BMPER: variants seen among roughly 807,000 people sequenced by gnomAD.
BMPER encodes the protein BMP-binding endothelial regulator protein.
In BMPER, 45 loss-of-function variants were observed where a neutral mutation model predicts 87.3. The ratio of observed to expected loss-of-function variants is 0.52; its 90% CI spans 0.41 to 0.66. The LOEUF is 0.66. BMPER is among the 30% of genes least tolerant of loss of function. BMPER has a pLI of 0.00. For missense variants in BMPER, 784 were observed against 867.5 expected, an observed-to-expected ratio of 0.90 and a Z score of 1.21; for synonymous variants, 326 against 316.2, an observed-to-expected ratio of 1.03 and a Z score of -0.33.
intron 13 of BMPER, among the ~76,000 whole-genome samples, chr7:34,092,534 G>T (rs1789415710): frequency 6.6e-6 from 1 of 152,166 alleles, no homozygotes. Context: ...TCAGCAATTT[G>T]CCTAATAGTC....
intron 3 of BMPER, among the ~76,000 whole-genome samples, chr7:33,959,809 A>G (rs1442341824): frequency 1.3e-5 from 2 of 152,218 alleles, no homozygotes; most frequent in African/African-American, 2.4e-5. Flanking sequence ...TTATGATACT[A>G]TAAAGTTATG....
chr7:34,011,404 A>G (rs1336601529), intron 6 of BMPER, among the ~76,000 whole-genome samples: 1 of 151,738 alleles, frequency 6.6e-6, no homozygotes, highest in Non-Finnish European at 1.5e-5. Context: ...GGCTTCCTCT[A>G]AAGGTATCAC....
intron 2 of BMPER, among the ~76,000 whole-genome samples, chr7:33,918,150 A>G (rs1298951879): frequency 6.6e-6 from 1 of 152,026 alleles, no homozygotes; most frequent in East Asian, 1.9e-4. Context: ...TAGGATCTTG[A>G]TCTTAATTTC....
intron 13 of BMPER, among the ~76,000 whole-genome samples, chr7:34,118,048 G>C (rs1790161645): frequency 6.6e-6 from 1 of 152,148 alleles, no homozygotes; most frequent in Non-Finnish European, 1.5e-5. Context: ...CAGTGCAGTG[G>C]CTCACAGCTG....
chr7:34,098,687 A>C (rs1430014607), intron 13 of BMPER, among the ~76,000 whole-genome samples: 2 of 152,188 alleles, frequency 1.3e-5, no homozygotes, highest in African/African-American at 4.8e-5. Context: ...CTGGGCCAGA[A>C]GACCTTTCAG....
At chr7:33,937,199 G>C (rs540570924) in intron 2 of BMPER, 90 bp from the exon 3 acceptor site, 4 of 1,371,048 alleles carry the variant, frequency 2.9e-6, no homozygotes, top group Middle Eastern at 2.2e-4. Context: ...CCAGATAAGA[G>C]TGGGGCTCGG....
chr7:33,948,474 G>C (rs1585667975), intron 3 of BMPER, among the ~76,000 whole-genome samples: 2 of 152,242 alleles, frequency 1.3e-5, no homozygotes, highest in East Asian at 3.9e-4. Context: ...ATTCTTGCTT[G>C]GCATATAATG....
chr7:34,153,232 A>G lies in BMPER; in HGVS notation c.2017A>G (p.Lys673Glu), dbSNP rs768138690. 9.9e-6 allele frequency: 16 copies of G among 1,613,910 alleles called. No individual in the cohort carries two copies. Among genetic ancestry groups the G allele is most frequent in the Non-Finnish European group, 1.3e-5 (15 of 1,179,986 alleles). Residue 673 changes from lysine (K) to glutamate (E), a missense_variant, in exon 15 of 15, where the codon AAG (lysine) becomes GAG (glutamate). By Grantham distance (56) the Lys-to-Glu change is moderately conservative. Transcript: ENST00000649409. ...CHCPANLVLH[K>E]GRCIKPVLCP... Reference sequence around the variant, plus strand: ...CTGTCCAGCAAACTTGGTCCTTCACAAGGGAAGGTGCATCAAGCCAGTCCT... The same window carrying G: ...CTGTCCAGCAAACTTGGTCCTTCACGAGGGAAGGTGCATCAAGCCAGTCCT...
intron 11 of BMPER, among the ~76,000 whole-genome samples, chr7:34,063,383 G>A (rs6462523): frequency 0.021 from 1,691 of 81,568 alleles, 24 homozygotes; most frequent in African/African-American, 0.069. Flanking sequence ...CACTATATGT[G>A]TGTGTGTGTG....
At position 34,025,471 on chromosome 7, in the gene BMPER, C is replaced by T. The variant is rs539150373; in HGVS notation, c.577-20835C>T. Among the ~76,000 whole-genome samples, 138 of 151,972 alleles carry T rather than the reference C, an allele frequency of 9.1e-4. 2 individuals are homozygous for T. In the South Asian group the frequency reaches 0.027, roughly 30 times the overall value. On this transcript the variant is annotated intron_variant, in intron 6 of 14. Transcript: ENST00000649409. ...GAGGGCTGAGCCTTCTTTTAGGAGCCGAGAGTGCATGGTATTCACACATCC... is the reference window on the plus strand; with the variant it reads ...GAGGGCTGAGCCTTCTTTTAGGAGCTGAGAGTGCATGGTATTCACACATCC...
Position 34,079,243 on chromosome 7 carries a change from C to T in BMPER, c.1408+57C>T, listed in dbSNP as rs79441905. The T allele has an allele frequency of 1.1e-3, 1,816 of 1,601,718 alleles. 23 individuals are homozygous for T. In the African/African-American group the frequency reaches 0.022, roughly 19 times the overall value. ...GCCTCCGCCTCACTTACCCGTTCAG[C>T]AGCACTGCTCGGTTAGAGCACTCAG... On this transcript the variant is annotated intron_variant, in intron 12 of 14. Transcript: ENST00000649409.
At position 33,929,698 on chromosome 7, in the gene BMPER, G is replaced by A. The variant is rs781222766; in HGVS notation, c.220-7591G>A. Among the ~76,000 whole-genome samples, 86 of 152,284 alleles carry A rather than the reference G, an allele frequency of 5.6e-4. 1 individual carries two copies. The highest frequency in any genetic ancestry group is 3.4e-3 in the Middle Eastern group (1 of 294). ...CCTGGCTAGCTATGTAAACCTGGGT[G>A]AGCCGTTTAACCTCTCCGTGCCTCA... On this transcript the variant is annotated intron_variant, in intron 2 of 14. Transcript: ENST00000649409.
chr7:34,046,281 G>A, intron 6 of BMPER, 25 bp from the exon 7 acceptor site: 1 of 1,595,168 alleles, frequency 6.3e-7, no homozygotes, highest in South Asian at 1.1e-5. Flanking sequence ...TTCTAAATAT[G>A]CTTTTTTTTT....
intron 10 of BMPER, 93 bp from the exon 11 acceptor site, chr7:34,061,909 T>C (rs1788444941): frequency 9.5e-7 from 1 of 1,049,286 alleles, no homozygotes; most frequent in African/African-American, 1.6e-5. Context: ...TGGTTTATCT[T>C]GTATTAGATT....
intron 12 of BMPER, among the ~76,000 whole-genome samples, chr7:34,081,566 G>A (rs759561908): frequency 6.6e-6 from 1 of 152,208 alleles, no homozygotes; most frequent in African/African-American, 2.4e-5. Flanking sequence ...TTAGTAGCTC[G>A]AGAGAGCATT....
rs893815803 is a variant in BMPER at position 34,153,362 on chromosome 7, C to T, written c.*89C>T. On this transcript the variant is annotated 3_prime_UTR_variant, in exon 15 of 15. Transcript: ENST00000649409. The stretch of plus-strand genomic sequence containing the variant: ...TGAAGGACTGCAGTATTTGTGTGCC[C>T]GATTCTGTAAACACACACACACAGA... 15 of 1,373,032 alleles carry T rather than the reference C, an allele frequency of 1.1e-5. No homozygotes were observed. Among genetic ancestry groups the T allele is most frequent in the African/African-American group, 4.3e-5 (3 of 69,878 alleles). The allele number at this position is 1,373,032 out of a possible 1,614,324, so 85.1% of individuals were successfully genotyped here.
intron 8 of BMPER, among the ~76,000 whole-genome samples, chr7:34,054,161 C>A (rs1051498558): frequency 6.6e-6 from 1 of 152,114 alleles, no homozygotes. Flanking sequence ...TCTTACATTG[C>A]GAAGAACTCC....
chr7:33,979,658 C>T (rs1265955556), intron 6 of BMPER, among the ~76,000 whole-genome samples: 2 of 152,192 alleles, frequency 1.3e-5, no homozygotes, highest in African/African-American at 4.8e-5. Context: ...CCCCTTATCA[C>T]TAGCTTACTC....
chr7:33,915,594 C>T (rs79411277), intron 2 of BMPER, among the ~76,000 whole-genome samples: 179 of 152,234 alleles, frequency 1.2e-3, no homozygotes, highest in African/African-American at 4.2e-3. Flanking sequence ...ACACCTTACC[C>T]TCTCTGAGCC....
Sources: gnomAD v4.1 joint callset for allele counts (sites outside exome capture counted in the v4.1 genomes callset) on GRCh38, gnomAD v4.1.1 for gene constraint, MANE v1.5 for transcripts, NCBI Gene and HGNC (gene_info 2026-07-23, HGNC 2026-07-21) for gene names.